HLTF: variants seen among roughly 807,000 people sequenced by gnomAD.
HLTF encodes DNA-dependent ATPase/E3 ubiquitin-protein ligase HLTF.
In HLTF, 127 loss-of-function variants were observed where a neutral mutation model predicts 129.4. The observed-to-expected ratio is 0.98, with a 90% CI of 0.85 to 1.14. The LOEUF (loss-of-function observed/expected upper bound fraction) is 1.14. Among genes scored for constraint, HLTF ranks in the 50% most tolerant of loss-of-function variants. HLTF has a pLI of 0.00. For missense variants in HLTF, 1,139 were observed against 1,187.1 expected (o/e 0.96, Z 0.60); for synonymous variants, 332 against 388.8 (o/e 0.85, Z 1.72).
chr3:149,073,015 T>C (rs1280838512), intron 5 of HLTF, among the ~76,000 whole-genome samples: 1 of 152,206 alleles, frequency 6.6e-6, no homozygotes, highest in Non-Finnish European at 1.5e-5. Flanking sequence ...TGGGTACAAA[T>C]GTTCACGTAT....
intron 17 of HLTF, 110 bp downstream of exon 17, chr3:149,047,918 T>C (rs1329116777): frequency 5.8e-6 from 5 of 869,500 alleles, no homozygotes; most frequent in Non-Finnish European, 8.5e-6. Context: ...TAAACACTTT[T>C]TAGAAGGAAA....
intron 2 of HLTF, among the ~76,000 whole-genome samples, chr3:149,080,787 A>C (rs1455896851): frequency 3.3e-5 from 5 of 152,122 alleles, no homozygotes; most frequent in African/African-American, 1.2e-4. Flanking sequence ...AAAAACAAAA[A>C]CATGGTCCCA....
chr3:149,034,829 C>T lies in HLTF; in HGVS notation c.2877+89G>A. 6 of 851,558 alleles carry T rather than the reference C, an allele frequency of 7.0e-6. No homozygotes were observed. In the South Asian group the frequency reaches 7.3e-5, roughly 10 times the overall value. 52.8% of individuals were successfully genotyped at this position (851,558 alleles called of 1,614,324 possible). ...TTATATTTTGCTCTGCATAATTACA[C>T]TCAATCATAATAATATATTCATGCA... is the stretch of plus-strand genomic sequence containing the variant. On this transcript the variant is annotated intron_variant, in intron 24 of 24. Transcript: ENST00000310053.
At chr3:149,085,012 T>C in intron 1 of HLTF, 123 bp from the exon 2 acceptor site, 2 of 698,102 alleles carry the variant, frequency 2.9e-6, no homozygotes, top group South Asian at 3.9e-5. Context: ...ACGGTAAAGA[T>C]TAATAGTTAC....
intron 6 of HLTF, 23 bp from the exon 7 acceptor site, chr3:149,071,466 C>T (rs369064202): frequency 1.8e-5 from 29 of 1,573,816 alleles, no homozygotes; most frequent in African/African-American, 1.4e-4. Context: ...AGTCATAAAG[C>T]GAAATACATT....
intron 3 of HLTF, among the ~76,000 whole-genome samples, chr3:149,075,020 C>T (rs2108054622): frequency 6.6e-6 from 1 of 152,160 alleles, no homozygotes; most frequent in South Asian, 2.1e-4. Flanking sequence ...AGGGAGAGTT[C>T]CAGTCAACTA....
intron 10 of HLTF, among the ~76,000 whole-genome samples, chr3:149,061,562 A>C (rs1341162794): frequency 6.6e-6 from 1 of 152,144 alleles, no homozygotes; most frequent in African/African-American, 2.4e-5. Context: ...GTGGCCAGGC[A>C]CGGTGGCTCA....
intron 2 of HLTF, among the ~76,000 whole-genome samples, chr3:149,077,279 TAA>T (rs1462397790): frequency 2.7e-5 from 4 of 150,242 alleles, no homozygotes; most frequent in African/African-American, 9.8e-5. Flanking sequence ...AATAAATAAA[TAA>T]ATAAATAAAT....
At chr3:149,080,882 T>G (rs1719802582) in intron 2 of HLTF, among the ~76,000 whole-genome samples, 1 of 152,140 alleles carries the variant, frequency 6.6e-6, no homozygotes, top group Non-Finnish European at 1.5e-5. Context: ...CATAACAGTA[T>G]AGTCATACCC....
intron 17 of HLTF, among the ~76,000 whole-genome samples, chr3:149,047,193 C>G (rs1358328167): frequency 1.0e-5 from 1 of 96,930 alleles, no homozygotes; most frequent in Non-Finnish European, 2.0e-5. Flanking sequence ...GGTGCTTTAG[C>G]CAAAAAGTTG....
chr3:149,071,154 G>C (rs4974388), intron 7 of HLTF, 98 bp downstream of exon 7: 222,644 of 709,890 alleles, frequency 0.31, 35,307 homozygotes, highest in East Asian at 0.33. Context: ...TCCCAAACTG[G>C]TACCAACATA....
At chr3:149,035,114 T>C in intron 23 of HLTF, 116 bp from the exon 24 acceptor site, 1 of 761,950 alleles carries the variant, frequency 1.3e-6, no homozygotes, top group Non-Finnish European at 2.3e-6. Flanking sequence ...GTTTTCTGCC[T>C]GAAGTCAGAT....
chr3:149,072,562 T>G (rs962229563), intron 5 of HLTF, among the ~76,000 whole-genome samples: 3 of 152,170 alleles, frequency 2.0e-5, no homozygotes, highest in African/African-American at 7.2e-5. Flanking sequence ...TTTTGAAAAT[T>G]AACACATGAA....
chr3:149,072,552 T>A (rs1201323276), intron 5 of HLTF, among the ~76,000 whole-genome samples: 1 of 152,208 alleles, frequency 6.6e-6, no homozygotes, highest in Non-Finnish European at 1.5e-5. Context: ...ATACAGATAT[T>A]TTTGAAAATT....
chr3:149,069,534 T>C (rs752312192), intron 7 of HLTF, among the ~76,000 whole-genome samples: 3 of 151,972 alleles, frequency 2.0e-5, no homozygotes, highest in African/African-American at 4.8e-5. Flanking sequence ...TTTTATTAAG[T>C]CTCATTACTT....
intron 21 of HLTF, 92 bp from the exon 22 acceptor site, chr3:149,039,785 G>T: frequency 1.4e-6 from 1 of 724,052 alleles, no homozygotes; most frequent in Non-Finnish European, 2.2e-6. Context: ...GTCCTGAAAT[G>T]TTATTTCCCT....
chr3:149,030,309 C>T lies in HLTF; in HGVS notation c.*1911G>A, dbSNP rs1437110090. On this transcript the variant is annotated 3_prime_UTR_variant, in exon 25 of 25. Transcript: ENST00000310053. ...TCCAGTGGCTTTTTTATATATTTAT[C>T]CTTCTTAGGAAGGACAAATTAAATT... 1 of 151,844 alleles carries T rather than the reference C, an allele frequency of 6.6e-6. No homozygotes were observed. Among genetic ancestry groups the T allele is most frequent in the Non-Finnish European group, 1.5e-5 (1 of 67,968 alleles). The allele number at this position is 151,844 out of a possible 1,614,324, so 9.4% of individuals were successfully genotyped here.
intron 4 of HLTF, 145 bp downstream of exon 4, chr3:149,074,070 A>T (rs1719112979): frequency 4.6e-6 from 3 of 654,300 alleles, no homozygotes; most frequent in Admixed American, 3.1e-5. Flanking sequence ...AAAATCAGAG[A>T]TTTCCTCAAA....
chr3:149,050,158 A>C (rs577074315), intron 15 of HLTF, 74 bp downstream of exon 15: 1 of 872,234 alleles, frequency 1.1e-6, no homozygotes, highest in African/African-American at 1.7e-5. Flanking sequence ...TGAATTTTGG[A>C]ACACTCTAGA....
Sources: gnomAD v4.1 joint callset for allele counts (sites outside exome capture counted in the v4.1 genomes callset) on GRCh38, gnomAD v4.1.1 for gene constraint, MANE v1.5 for transcripts, NCBI Gene and HGNC (gene_info 2026-07-23, HGNC 2026-07-21) for gene names.